PRDM11: variants seen among roughly 807,000 people sequenced by gnomAD.
The protein encoded by PRDM11 is PR domain-containing protein 11.
PRDM11 carries 20 observed loss-of-function variants against 97.8 expected under a neutral mutation model. That is an observed-to-expected ratio of 0.20 (90% CI 0.14 to 0.30). The LOEUF is 0.30. Ranked by LOEUF, PRDM11 falls within the 10% of genes least tolerant of loss-of-function variation. The pLI, the probability that PRDM11 is intolerant of heterozygous loss-of-function variation, is 1.00. For missense variants in PRDM11, 1,139 were observed against 1,555.2 expected (o/e 0.73, Z 4.50); for synonymous variants, 599 against 637.7 (o/e 0.94, Z 0.91).
rs574686804 is a variant in PRDM11, at chr11:45,212,852, A to G, written c.555-6718A>G. On this transcript the variant is annotated intron_variant, in intron 5 of 7. Transcript: ENST00000683152. ...CGAGCTGACCAGCCGTGTCGGTCAG[A>G]TGTGCCAGACGCTGACAGAGATCCG... 373 of 444,252 alleles carry G rather than the reference A, an allele frequency of 8.4e-4. 1 individual carries two copies. Among genetic ancestry groups the G allele is most frequent in the African/African-American group, 7.1e-3 (354 of 50,062 alleles). The allele number at this position is 444,252 out of a possible 1,614,324, so 27.5% of individuals were successfully genotyped here.
intron 1 of PRDM11, among the ~76,000 whole-genome samples, chr11:45,115,126 C>T (rs891414092): frequency 2.7e-5 from 4 of 149,292 alleles, no homozygotes; most frequent in African/African-American, 7.3e-5. Flanking sequence ...TTATGGAGCT[C>T]ATAATGTATA....
chr11:45,225,148 C>T (rs888568991), intron 7 of PRDM11: 9 of 1,370,164 alleles, frequency 6.6e-6, no homozygotes, highest in Non-Finnish European at 8.5e-6. Flanking sequence ...TGTCTTACCC[C>T]AAAGCCCAAT....
At chr11:45,204,626 G>C in intron 4 of PRDM11, 85 bp from the exon 5 acceptor site, 1 of 1,277,768 alleles carries the variant, frequency 7.8e-7, no homozygotes, top group Non-Finnish European at 1.1e-6. Context: ...GTGGGACCAG[G>C]CCCTGGGCCC....
chr11:45,141,748 C>A (rs770111265), upstream of PRDM11, among the ~76,000 whole-genome samples: 10 of 152,210 alleles, frequency 6.6e-5, no homozygotes, highest in Non-Finnish European at 1.5e-4. Flanking sequence ...GACTGCACTG[C>A]ACCCCACCCA....
intron 5 of PRDM11, chr11:45,212,392 G>C (rs1853778201): frequency 2.9e-6 from 1 of 345,746 alleles, no homozygotes; most frequent in Non-Finnish European, 5.8e-6. Context: ...GTGTTTTTCA[G>C]GGGCAGGGCC....
chr11:45,122,308 T>C (rs1852452620), intron 1 of PRDM11, among the ~76,000 whole-genome samples: 1 of 130,904 alleles, frequency 7.6e-6, no homozygotes, highest in African/African-American at 3.1e-5. Context: ...AAAGATATCA[T>C]GGTATTTTTT....
chr11:45,152,688 T>C (rs1851688919), intron 1 of PRDM11, among the ~76,000 whole-genome samples: 1 of 152,246 alleles, frequency 6.6e-6, no homozygotes, highest in Admixed American at 6.5e-5. Flanking sequence ...AGCGATGCCC[T>C]GATCATGGTA....
intron 1 of PRDM11, among the ~76,000 whole-genome samples, chr11:45,161,752 T>G (rs1851933622): frequency 6.6e-6 from 1 of 152,246 alleles, no homozygotes; most frequent in Non-Finnish European, 1.5e-5. Flanking sequence ...CATGGTCTGT[T>G]TGCTGTTTTC....
chr11:45,134,429 G>A (rs1388691679), intron 1 of PRDM11, among the ~76,000 whole-genome samples: 1 of 152,172 alleles, frequency 6.6e-6, no homozygotes, highest in Non-Finnish European at 1.5e-5. Context: ...GACAGGTGTG[G>A]AGGCACAAGC....
In PRDM11 at chr11:45,219,752, C is replaced by G; in HGVS notation, c.737C>G (p.Ala246Gly). 6.2e-7 allele frequency: 1 copy of G among 1,613,022 alleles called. No homozygotes were observed. Residue 246 changes from alanine to glycine, a missense_variant, in exon 6 of 8, where the codon GCC becomes GGC. Ala to Gly is a moderately conservative substitution (Grantham distance 60). Around this residue, in one of 2 missense-constraint regions of PRDM11, gnomAD observed 429 missense variants for 510.3 expected, o/e 0.84. Transcript: ENST00000683152. This position sits in a 1 kb window ranked among gnomAD's most constrained non-coding sequence, Gnocchi z 4.2. Reference protein sequence around the residue: ...MSQETIHRNLARGEKRLQREK... With the variant: ...MSQETIHRNLGRGEKRLQREK... The stretch of plus-strand genomic sequence containing the variant: ...CAGGAAACCATTCACCGCAACCTGG[C>G]CAGAGGTGAGTGCCATGCTCCACAT...
chr11:45,153,106 A>G (rs1181609475), intron 1 of PRDM11, among the ~76,000 whole-genome samples: 1 of 152,248 alleles, frequency 6.6e-6, no homozygotes, highest in Non-Finnish European at 1.5e-5. Flanking sequence ...TTGGCCCTCT[A>G]CAGCGAAGGT....
At chr11:45,099,603 TATATGTATGGGGC>T (rs1851938678) in intron 1 of PRDM11, among the ~76,000 whole-genome samples, 1 of 152,062 alleles carries the variant, frequency 6.6e-6, no homozygotes, top group Non-Finnish European at 1.5e-5. Flanking sequence ...AGCAGGTGCG[TATATGTATGGGGC>T]ACATGAGATG....
intron 1 of PRDM11, among the ~76,000 whole-genome samples, chr11:45,170,101 G>T (rs1426054146): frequency 6.6e-6 from 1 of 152,198 alleles, no homozygotes; most frequent in African/African-American, 2.4e-5. Context: ...CCAGCACTTT[G>T]GGAGGCTGAG....
intron 4 of PRDM11, among the ~76,000 whole-genome samples, chr11:45,191,544 CT>C (rs1424009946): frequency 6.6e-6 from 1 of 152,112 alleles, no homozygotes; most frequent in Non-Finnish European, 1.5e-5. Flanking sequence ...GAATCCATGT[CT>C]GTCATTATTC....
intron 1 of PRDM11, among the ~76,000 whole-genome samples, chr11:45,122,047 G>C (rs1445537089): frequency 6.6e-6 from 1 of 151,914 alleles, no homozygotes; most frequent in Non-Finnish European, 1.5e-5. Context: ...CAAGAAAGTG[G>C]AAGGAAAGAA....
intron 1 of PRDM11, among the ~76,000 whole-genome samples, chr11:45,158,448 A>G (rs1422122926): frequency 6.6e-6 from 1 of 152,218 alleles, no homozygotes; most frequent in Non-Finnish European, 1.5e-5. Flanking sequence ...CAGGGAGTCC[A>G]GCTGCCTGGG....
In PRDM11 at chr11:45,182,366, G is replaced by A. The variant is rs746662078; in HGVS notation, c.223+17G>A. On this transcript the variant is annotated intron_variant, in intron 3 of 7. Coordinates refer to ENST00000683152, the MANE Select transcript of PRDM11 (RefSeq NM_001384648.1). ...ACTTCTGGTGTAAGTGGAGCTTGGG[G>A]CTCTGGGCTGCTCCTCCCTTCACCC... 56 of 1,601,320 alleles carry A rather than the reference G, an allele frequency of 3.5e-5. 1 individual carries two copies. In the East Asian group the frequency reaches 1.3e-3, roughly 36 times the overall value.
At chr11:45,181,286 T>A (rs1028211444) in intron 1 of PRDM11, among the ~76,000 whole-genome samples, 5 of 152,262 alleles carry the variant, frequency 3.3e-5, no homozygotes, top group Admixed American at 3.3e-4. Flanking sequence ...CAAAGGGGCC[T>A]GGCTGCGCTC....
At chr11:45,222,595 G>A (rs1056669544) in intron 6 of PRDM11, among the ~76,000 whole-genome samples, 1 of 152,212 alleles carries the variant, frequency 6.6e-6, no homozygotes, top group African/African-American at 2.4e-5. Context: ...TGGAGATAAA[G>A]TTGTTCCTTA....
Sources: allele counts gnomAD v4.1 joint callset (sites outside exome capture counted in the v4.1 genomes callset), GRCh38; gene constraint gnomAD v4.1.1; regional missense constraint gnomAD v4.1.1; non-coding constraint Gnocchi (gnomAD v3.1); transcripts MANE v1.5; gene names NCBI Gene and HGNC (gene_info 2026-07-23, HGNC 2026-07-21).